GRIP1: variants seen among roughly 807,000 people sequenced by gnomAD.
GRIP1 encodes glutamate receptor-interacting protein 1.
In GRIP1, 45 loss-of-function variants were observed where a neutral mutation model predicts 129.9. That is an observed-to-expected ratio of 0.35 (90% CI 0.27 to 0.44). The LOEUF (loss-of-function observed/expected upper bound fraction) is 0.44. Among genes scored for constraint, GRIP1 ranks in the 20% least tolerant of loss-of-function variants. The pLI, the probability that GRIP1 is intolerant of heterozygous loss-of-function variation, is 1.00. For missense variants in GRIP1, 1,196 were observed against 1,396.8 expected (o/e 0.86, Z 2.29); for synonymous variants, 530 against 520.8 (o/e 1.02, Z -0.24).
chr12:66,437,631 T>C (rs1407505114), intron 13 of GRIP1, among the ~76,000 whole-genome samples: 1 of 152,152 alleles, frequency 6.6e-6, no homozygotes, highest in Non-Finnish European at 1.5e-5. Context: ...TATTAGAGTA[T>C]CCAATCAACA....
chr12:66,693,378 G>A (rs925107600), intron 1 of GRIP1, among the ~76,000 whole-genome samples: 65 of 152,050 alleles, frequency 4.3e-4, no homozygotes, highest in African/African-American at 1.3e-3. Flanking sequence ...CTGCATTCCC[G>A]CATGCAACTC....
chr12:66,797,436 C>T (rs1410725496), intron 1 of GRIP1, among the ~76,000 whole-genome samples: 1 of 152,080 alleles, frequency 6.6e-6, no homozygotes, highest in Non-Finnish European at 1.5e-5. Context: ...GTCTTCAGCA[C>T]TCTCCACTGG....
intron 1 of GRIP1, among the ~76,000 whole-genome samples, chr12:66,857,166 T>C (rs1181900025): frequency 7.0e-6 from 1 of 143,774 alleles, no homozygotes; most frequent in African/African-American, 2.6e-5. Context: ...AGGTGGGAAC[T>C]GAACAATGAG....
chr12:67,052,148 A>G (rs1461140434), intron 1 of GRIP1, among the ~76,000 whole-genome samples: 1 of 152,230 alleles, frequency 6.6e-6, no homozygotes, highest in Admixed American at 6.5e-5. Flanking sequence ...TTTCTGGGTT[A>G]TATTCATAAT....
intron 1 of GRIP1, among the ~76,000 whole-genome samples, chr12:66,762,776 T>C (rs910877917): frequency 2.0e-5 from 3 of 152,222 alleles, no homozygotes; most frequent in African/African-American, 7.2e-5. Context: ...TGCAAGGTAA[T>C]GTATTAAATG....
intron 5 of GRIP1, among the ~76,000 whole-genome samples, chr12:66,521,977 T>C (rs2061027418): frequency 6.6e-6 from 1 of 152,126 alleles, no homozygotes; most frequent in South Asian, 2.1e-4. Flanking sequence ...TTGCCCAGGA[T>C]TGATTAGGTA....
intron 1 of GRIP1, among the ~76,000 whole-genome samples, chr12:66,939,515 A>G (rs183585720): frequency 2.0e-5 from 3 of 152,140 alleles, no homozygotes; most frequent in Non-Finnish European, 2.9e-5. Context: ...AAACACAGTA[A>G]CTAAGTAAAA....
intron 1 of GRIP1, among the ~76,000 whole-genome samples, chr12:66,974,163 A>T (rs1470102895): frequency 6.6e-6 from 1 of 151,870 alleles, no homozygotes; most frequent in Non-Finnish European, 1.5e-5. Context: ...ACCTCAGGTG[A>T]TCCTCCCACC....
chr12:66,405,907 T>C (rs1592782840), intron 16 of GRIP1, among the ~76,000 whole-genome samples: 2 of 152,188 alleles, frequency 1.3e-5, no homozygotes, highest in African/African-American at 2.4e-5. Context: ...AACGATCAAA[T>C]GTTTACAATG....
chr12:66,996,129 G>A (rs2042463338), intron 1 of GRIP1, among the ~76,000 whole-genome samples: 1 of 151,840 alleles, frequency 6.6e-6, no homozygotes, highest in African/African-American at 2.4e-5. Context: ...GTTGTCTAGG[G>A]GTAGAGACTT....
intron 1 of GRIP1, among the ~76,000 whole-genome samples, chr12:66,654,515 G>C (rs1306159684): frequency 1.3e-5 from 2 of 152,216 alleles, no homozygotes; most frequent in African/African-American, 2.4e-5. Flanking sequence ...ACTAAGAAAA[G>C]AGGAGTTAGG....
Position 66,444,590 on chromosome 12 carries a change from C to T in GRIP1, c.1681G>A (p.Val561Ile). The T allele has an allele frequency of 1.2e-6, 2 of 1,608,676 alleles. No individual in the cohort carries two copies. The highest frequency in any genetic ancestry group is 1.7e-6 in the Non-Finnish European group (2 of 1,178,710). ...TGAGATGATATGATTATACCTGCAA[C>T]ATCAAACTCGATTTCCAGTGTGACC... The part of the protein sequence containing the change: ...SKVTLEIEFD[V>I]AESVIPSSGT... The change falls in exon 13 of 25, where the codon GTT (valine) becomes ATT (isoleucine). Residue 561 changes from valine (V) to isoleucine (I), a missense_variant. Coordinates refer to ENST00000359742, the MANE Select transcript of GRIP1 (RefSeq NM_001366722.1).
intron 5 of GRIP1, among the ~76,000 whole-genome samples, chr12:66,519,603 T>C (rs1381549765): frequency 6.6e-6 from 1 of 152,234 alleles, no homozygotes; most frequent in South Asian, 2.1e-4. Context: ...ATTTTACTGT[T>C]ATTTGTAATG....
chr12:66,809,261 T>G (rs2039056667), intron 1 of GRIP1, among the ~76,000 whole-genome samples: 1 of 152,238 alleles, frequency 6.6e-6, no homozygotes, highest in African/African-American at 2.4e-5. Flanking sequence ...AGATTAAATC[T>G]TCAATTTATA....
intron 7 of GRIP1, among the ~76,000 whole-genome samples, chr12:66,476,777 T>C (rs4913501): frequency 0.26 from 40,247 of 151,942 alleles, 5,533 homozygotes; most frequent in Middle Eastern, 0.43. Flanking sequence ...AGACAAAAAC[T>C]ACATGATTAT....
At chr12:66,422,519 G>T (rs574411924) in intron 14 of GRIP1, among the ~76,000 whole-genome samples, 57 of 152,218 alleles carry the variant, frequency 3.7e-4, no homozygotes, top group African/African-American at 1.3e-3. Context: ...CCAATGAATT[G>T]ACACAATATT....
Position 66,963,546 on chromosome 12 carries a change from C to A in GRIP1, c.58+105504G>T, listed in dbSNP as rs1402556887. ...TACAGCTTCAGAGCTAGAATCTGAACTACATATTTGTTTTAAAGTTCTGTA... is the reference window on the plus strand; with the variant it reads ...TACAGCTTCAGAGCTAGAATCTGAAATACATATTTGTTTTAAAGTTCTGTA... On this transcript the variant is annotated intron_variant, in intron 1 of 1. Coordinates refer to the GRIP1 transcript ENST00000643019. Among the ~76,000 whole-genome samples the A allele has an allele frequency of 2.6e-5, 4 of 152,212 alleles. No individual in the cohort carries two copies. In the East Asian group the frequency reaches 7.7e-4, roughly 29 times the overall value.
intron 1 of GRIP1, among the ~76,000 whole-genome samples, chr12:66,649,974 A>C (rs2032672640): frequency 6.6e-6 from 1 of 152,198 alleles, no homozygotes; most frequent in Non-Finnish European, 1.5e-5. Flanking sequence ...ACCGAGCCAC[A>C]GAAAGTTTTT....
chr12:66,804,439 A>T (rs1228778053), upstream of GRIP1, among the ~76,000 whole-genome samples: 5 of 151,474 alleles, frequency 3.3e-5, no homozygotes, highest in Non-Finnish European at 7.4e-5. Context: ...AATTTTTTTA[A>T]AAAAAAAAGA....
Sources: allele counts gnomAD v4.1 joint callset (sites outside exome capture counted in the v4.1 genomes callset), GRCh38; gene constraint gnomAD v4.1.1; transcripts MANE v1.5; gene names NCBI Gene and HGNC (gene_info 2026-07-23, HGNC 2026-07-21).